IL27RA: variants seen among roughly 807,000 people sequenced by gnomAD.
IL27RA encodes the protein interleukin 27 receptor subunit alpha, also known as interleukin-27 receptor subunit alpha.
Under a neutral mutation model 80.8 loss-of-function variants are expected in IL27RA, and 61 were observed. That is an observed-to-expected ratio of 0.76 (90% CI 0.61 to 0.93). The LOEUF (loss-of-function observed/expected upper bound fraction) is 0.93, where lower values mean the gene tolerates loss of function less well. Among genes scored for constraint, IL27RA ranks in the 40% least tolerant of loss-of-function variants. The pLI is 0.00. For synonymous variants in IL27RA, 316 were observed against 332.5 expected (o/e 0.95, Z 0.54); for missense variants, 735 against 808.1 (o/e 0.91, Z 1.10).
chr19:14,041,433 T>G (rs1298510716), intron 4 of IL27RA, among the ~76,000 whole-genome samples: 1 of 152,044 alleles, frequency 6.6e-6, no homozygotes, highest in African/African-American at 2.4e-5. Context: ...ACTCCTGACC[T>G]CAGGTGATCC....
intron 11 of IL27RA, 118 bp downstream of exon 11, chr19:14,051,001 C>A: frequency 9.0e-7 from 1 of 1,105,320 alleles, no homozygotes; most frequent in Non-Finnish European, 1.2e-6. Flanking sequence ...GTAATCCTAA[C>A]ACTCTGGGAG....
intron 8 of IL27RA, among the ~76,000 whole-genome samples, chr19:14,048,769 C>T (rs759174947): frequency 6.6e-5 from 10 of 152,158 alleles, no homozygotes; most frequent in African/African-American, 1.9e-4. Context: ...CATGGGACTG[C>T]GTCTCAGTTG....
intron 2 of IL27RA, among the ~76,000 whole-genome samples, chr19:14,038,049 C>G (rs2145687831): frequency 6.6e-6 from 1 of 151,996 alleles, no homozygotes; most frequent in Non-Finnish European, 1.5e-5. Flanking sequence ...CCAGGATGGT[C>G]TCGATCTCTT....
At chr19:14,037,092 C>T (rs566788084) in intron 2 of IL27RA, among the ~76,000 whole-genome samples, 2 of 152,218 alleles carry the variant, frequency 1.3e-5, no homozygotes, top group South Asian at 4.1e-4. Context: ...CTTGGCCTCC[C>T]AAAGTGCTGG....
intron 8 of IL27RA, among the ~76,000 whole-genome samples, chr19:14,047,043 CT>C (rs965689413): frequency 2.5e-4 from 37 of 146,274 alleles, no homozygotes; most frequent in Middle Eastern, 3.5e-3. Flanking sequence ...TCACACAAGA[CT>C]TTTTTTTTTG....
intron 2 of IL27RA, among the ~76,000 whole-genome samples, chr19:14,033,311 C>T (rs1339085535): frequency 6.6e-6 from 1 of 151,088 alleles, no homozygotes. Context: ...GTTGGCCAGG[C>T]TGGTCTTGAA....
chr19:14,044,039 ACT>A (rs1159054397), intron 6 of IL27RA, among the ~76,000 whole-genome samples: 1 of 127,128 alleles, frequency 7.9e-6, no homozygotes, highest in Non-Finnish European at 1.6e-5. Context: ...CAAGAGCAAG[ACT>A]CTGTCTCACA....
Position 14,049,137 on chromosome 19 carries a change from C to G in IL27RA, c.1244-19C>G, listed in dbSNP as rs1380892465. The G allele has an allele frequency of 1.2e-6, 2 of 1,613,098 alleles. No individual in the cohort carries two copies. On this transcript the variant is annotated intron_variant, in intron 9 of 13. Coordinates refer to ENST00000263379, the MANE Select transcript of IL27RA (RefSeq NM_004843.4). ...TTCTGTAACCCAGGCCGACCTTGACCTACTGCCTTCCTCCCCAGCACCCCT... is the reference window on the plus strand; with the variant it reads ...TTCTGTAACCCAGGCCGACCTTGACGTACTGCCTTCCTCCCCAGCACCCCT...
chr19:14,036,092 GAAA>G (rs1433756751), intron 2 of IL27RA, among the ~76,000 whole-genome samples: 4 of 145,052 alleles, frequency 2.8e-5, no homozygotes, highest in East Asian at 2.1e-4. Context: ...AAAAAAAAAA[GAAA>G]GAAGAAGAAG....
At position 14,052,662 on chromosome 19, in the gene IL27RA, T is replaced by C. The variant is rs186647826; in HGVS notation, c.*372T>C. 33 of 186,622 alleles carry C rather than the reference T, an allele frequency of 1.8e-4. No homozygotes were observed. In the East Asian group the frequency reaches 4.5e-3, roughly 25 times the overall value. The allele number at this position is 186,622 out of a possible 1,614,324, so 11.6% of individuals were successfully genotyped here. ...GGAAGGATCACTTAGAGCTAGGAGT[T>C]TGAGACCAGCCTGGGCAATATAGCA... On this transcript the variant is annotated 3_prime_UTR_variant, in exon 14 of 14. Coordinates refer to ENST00000263379, the MANE Select transcript of IL27RA (RefSeq NM_004843.4).
rs1033195499 is a variant in IL27RA at position 14,046,889 on chromosome 19, C to T, written c.1141+271C>T. On this transcript the variant is annotated intron_variant, in intron 8 of 13. Transcript: ENST00000263379. ...GCACATGCCTGTAGTCCCAGCTACT[C>T]GGGAGGCTGAGGCAGGAGAATCGCT... Among the ~76,000 whole-genome samples the T allele has an allele frequency of 5.9e-5, 9 of 151,708 alleles. No individual in the cohort carries two copies. In the Middle Eastern group the frequency reaches 0.01, roughly 172 times the overall value.
chr19:14,047,626 G>T (rs953087687), intron 8 of IL27RA, among the ~76,000 whole-genome samples: 1 of 150,668 alleles, frequency 6.6e-6, no homozygotes, highest in Non-Finnish European at 1.5e-5. Context: ...CAAAATGATG[G>T]GATGACAGGG....
At chr19:14,045,981 C>T (rs745925959) in intron 6 of IL27RA, among the ~76,000 whole-genome samples, 173 bp from the exon 7 acceptor site, 3 of 152,144 alleles carry the variant, frequency 2.0e-5, no homozygotes, top group Non-Finnish European at 2.9e-5. Flanking sequence ...GCCGAGATCA[C>T]GCCACTTCAC....
intron 4 of IL27RA, among the ~76,000 whole-genome samples, chr19:14,040,512 C>T (rs1382173270): frequency 3.9e-5 from 6 of 151,984 alleles, no homozygotes; most frequent in Non-Finnish European, 7.4e-5. Flanking sequence ...TAGCAAGACT[C>T]GTCTCTAAGA....
intron 10 of IL27RA, 47 bp from the exon 11 acceptor site, chr19:14,050,711 G>C: frequency 6.3e-7 from 1 of 1,582,606 alleles, no homozygotes; most frequent in Non-Finnish European, 8.6e-7. Context: ...CAAAGGCCCT[G>C]TGGTAGGCTT....
At chr19:14,045,518 G>A (rs1212827423) in intron 6 of IL27RA, among the ~76,000 whole-genome samples, 3 of 148,506 alleles carry the variant, frequency 2.0e-5, no homozygotes, top group Non-Finnish European at 4.5e-5. Flanking sequence ...GGCGAATGGC[G>A]TGAACCCGGG....
In IL27RA at chr19:14,042,515, C is replaced by A; in HGVS notation, c.597C>A (p.Ala199=). The A allele has an allele frequency of 6.2e-7, 1 of 1,614,194 alleles. No homozygotes were observed. The highest frequency in any genetic ancestry group is 8.5e-7 in the Non-Finnish European group (1 of 1,180,028). ...TPVEIQDLEL[A]TGYKVYGRCR... ...TTGAGATCCAAGATTTGGAGCTAGC[C>A]ACTGGCTACAAAGTGTATGGCCGCT... Residue 199 remains alanine (A), a synonymous_variant, in exon 5 of 14, where the codon GCC becomes GCA. Coordinates refer to ENST00000263379, the MANE Select transcript of IL27RA (RefSeq NM_004843.4).
At chr19:14,050,073 G>A (rs1275633304) in intron 10 of IL27RA, among the ~76,000 whole-genome samples, 1 of 151,956 alleles carries the variant, frequency 6.6e-6, no homozygotes, top group East Asian at 1.9e-4. Context: ...CTGTAGTCCA[G>A]CTACTCAGAA....
rs190031007 is a variant in IL27RA at position 14,050,888 on chromosome 19, G to T, written c.1528+5G>T. ...TCCTCCGGCTTCATCTACCAGGTAG[G>T]GGGGTTGGGATGGGATTGCCACAGG... On this transcript the variant is annotated splice_donor_5th_base_variant and intron_variant, in intron 11 of 13. Transcript: ENST00000263379. 2 of 1,604,166 alleles carry T rather than the reference G, an allele frequency of 1.2e-6. No individual in the cohort carries two copies. The highest frequency in any genetic ancestry group is 1.1e-5 in the South Asian group (1 of 90,550).
Sources: gnomAD v4.1 joint callset for allele counts (sites outside exome capture counted in the v4.1 genomes callset) on GRCh38, gnomAD v4.1.1 for gene constraint, MANE v1.5 for transcripts, NCBI Gene and HGNC (gene_info 2026-07-23, HGNC 2026-07-21) for gene names.